The following SSBP4 variants were observed in gnomAD, a reference collection of about 807,000 sequenced individuals.
SSBP4 encodes single-stranded DNA-binding protein 4.
SSBP4 carries 33 observed loss-of-function variants against 64.6 expected under a neutral mutation model. That is an observed-to-expected ratio of 0.51 (90% CI 0.39 to 0.68). The LOEUF is 0.68. SSBP4 is among the 30% of genes least tolerant of loss of function. The probability of loss-of-function intolerance (pLI) is 0.00; values close to 1 mark genes in which losing one functional copy is unlikely to be tolerated. For missense variants in SSBP4, 583 were observed against 566.8 expected (o/e 1.03, Z -0.29); for synonymous variants, 243 against 224.0 (o/e 1.08, Z -0.76).
intron 4 of SSBP4, among the ~76,000 whole-genome samples, chr19:18,430,244 A>G (rs1973241051): frequency 6.8e-6 from 1 of 146,654 alleles, no homozygotes; most frequent in South Asian, 2.2e-4. Context: ...TCCCCCTGCC[A>G]GACCCTGTAG....
rs759899583 is a variant in SSBP4 at position 18,434,268 on chromosome 19, C to T, written c.*22C>T. ...GTGATGGGGCGGCAGCCCCGGGCCT[C>T]TCTGCGGGCCTAGGCTTCTGCCCAG... On this transcript the variant is annotated 3_prime_UTR_variant, in exon 18 of 18. Transcript: ENST00000270061. 3 of 1,610,032 alleles carry T rather than the reference C, an allele frequency of 1.9e-6. No individual in the cohort carries two copies. Among genetic ancestry groups the T allele is most frequent in the Admixed American group, 3.3e-5 (2 of 59,852 alleles).
At chr19:18,408,028 A>G in the SSBP4 span, among the ~76,000 whole-genome samples, 1 of 151,874 alleles carries the variant, frequency 6.6e-6, no homozygotes, top group Non-Finnish European at 1.5e-5. Flanking sequence ...TACAGGCATG[A>G]GCCACCACGC....
chr19:18,431,421 A>G lies in SSBP4; in HGVS notation c.435+3A>G. The G allele has an allele frequency of 6.6e-7, 1 of 1,507,254 alleles. No homozygotes were observed. The highest frequency in any genetic ancestry group is 9.0e-7 in the Non-Finnish European group (1 of 1,114,622). The allele number at this position is 1,507,254 out of a possible 1,614,324, so 93.4% of individuals were successfully genotyped here. Reference sequence around the variant, plus strand: ...CCATGATGGGGCCTCACGGTCAGGTAAGGAGCTGTGGTGCCTGCCCCTCAC... The same window carrying G: ...CCATGATGGGGCCTCACGGTCAGGTGAGGAGCTGTGGTGCCTGCCCCTCAC... On this transcript the variant is annotated splice_donor_region_variant and intron_variant, in intron 6 of 17. Coordinates refer to ENST00000270061, the MANE Select transcript of SSBP4 (RefSeq NM_032627.5).
the SSBP4 span, among the ~76,000 whole-genome samples, chr19:18,413,139 T>A: frequency 8.1e-6 from 1 of 122,804 alleles, no homozygotes; most frequent in Admixed American, 1.0e-4. Flanking sequence ...TGGGGTGTTT[T>A]GGTTTGGGTT....
Position 18,434,406 on chromosome 19 carries a change from A to G in SSBP4, c.*160A>G. 7.6e-7 allele frequency: 1 copy of G among 1,314,738 alleles called. No individual in the cohort carries two copies. Among genetic ancestry groups the G allele is most frequent in the African/African-American group, 1.5e-5 (1 of 65,964 alleles). 81.4% of individuals were successfully genotyped at this position (1,314,738 alleles called of 1,614,324 possible). A position where few individuals can be genotyped will look rare whatever the true frequency, so the allele number is the denominator to read the frequency against. Reference sequence around the variant, plus strand: ...CACGAAAGACTCTTACCATTTTATTAAAAACGCAAGGACCTCAGAGACGTT... The same window carrying G: ...CACGAAAGACTCTTACCATTTTATTGAAAACGCAAGGACCTCAGAGACGTT... On this transcript the variant is annotated 3_prime_UTR_variant, in exon 18 of 18. Transcript: ENST00000270061.
Position 18,430,816 on chromosome 19 carries a change from C to T in SSBP4, c.280-25C>T, listed in dbSNP as rs200693014. 24 of 1,597,138 alleles carry T rather than the reference C, an allele frequency of 1.5e-5. No homozygotes were observed. In the African/African-American group the frequency reaches 3.2e-4, roughly 21 times the overall value. On this transcript the variant is annotated intron_variant, in intron 4 of 17. Coordinates refer to ENST00000270061, the MANE Select transcript of SSBP4 (RefSeq NM_032627.5). ...AGTGTCCAGGTGTCCTGACCTGGCC[C>T]TCTGGGTTTCCCGCACCCTTACAGA...
intron 4 of SSBP4, among the ~76,000 whole-genome samples, chr19:18,428,775 C>G (rs1276953578): frequency 1.3e-5 from 2 of 152,178 alleles, no homozygotes; most frequent in African/African-American, 4.8e-5. Flanking sequence ...GAAGATGCCT[C>G]CAGCACTCTG....
chr19:18,418,992 G>T (rs1972238223), upstream of SSBP4: 2 of 985,508 alleles, frequency 2.0e-6, no homozygotes, highest in Non-Finnish European at 2.4e-6. The surrounding 1 kb of genome is among the most constrained non-coding windows in gnomAD (Gnocchi z 6.7). Context: ...AGCTCTGCGG[G>T]GTGAGACACC....
chr19:18,431,061 GCAGGTGTGCC>G (rs1311305870), intron 5 of SSBP4, 131 bp downstream of exon 5: 24 of 1,121,904 alleles, frequency 2.1e-5, no homozygotes, highest in Non-Finnish European at 3.0e-5. Flanking sequence ...CCTCTGTGCC[GCAGGTGTGCC>G]CAGGTGGGCC....
At chr19:18,411,943 C>T in the SSBP4 span, among the ~76,000 whole-genome samples, 32 of 152,062 alleles carry the variant, frequency 2.1e-4, no homozygotes, top group South Asian at 8.3e-4. Context: ...GCGAGAGGAT[C>T]GCTTGAGGCC....
chr19:18,410,154 C>A, the SSBP4 span, among the ~76,000 whole-genome samples: 2 of 151,996 alleles, frequency 1.3e-5, no homozygotes, highest in African/African-American at 2.4e-5. Flanking sequence ...CCACCACGCC[C>A]GGCTAATTTT....
chr19:18,432,361 G>A lies in SSBP4; in HGVS notation c.704+147G>A, dbSNP rs1424743512. 5 of 1,317,420 alleles carry A rather than the reference G, an allele frequency of 3.8e-6. No homozygotes were observed. In the Admixed American group the frequency reaches 9.4e-5, roughly 25 times the overall value. The allele number at this position is 1,317,420 out of a possible 1,614,324, so 81.6% of individuals were successfully genotyped here. A position where few individuals can be genotyped will look rare whatever the true frequency, so the allele number is the denominator to read the frequency against. Reference sequence around the variant, plus strand: ...CACCGTTGAGGGGAAACTGAGACTTGAAGTAGCAATTAGTCTCCTGGGGCC... The same window carrying A: ...CACCGTTGAGGGGAAACTGAGACTTAAAGTAGCAATTAGTCTCCTGGGGCC... On this transcript the variant is annotated intron_variant, in intron 10 of 17. Transcript: ENST00000270061.
At chr19:18,404,993 C>A in the SSBP4 span, among the ~76,000 whole-genome samples, 16 of 151,082 alleles carry the variant, frequency 1.1e-4, no homozygotes, top group Admixed American at 2.6e-4. Flanking sequence ...AGGCCCCCCC[C>A]CCCGCGAAAG....
At chr19:18,429,700 G>A (rs1600331430) in intron 4 of SSBP4, among the ~76,000 whole-genome samples, 2 of 152,316 alleles carry the variant, frequency 1.3e-5, no homozygotes, top group Middle Eastern at 6.8e-3. Context: ...GGACCTGGAA[G>A]TTTGGAACTG....
upstream of SSBP4, chr19:18,419,298 A>C (rs1049195775): frequency 1.3e-5 from 13 of 1,000,088 alleles, no homozygotes; most frequent in Middle Eastern, 5.0e-4. Flanking sequence ...CGGCGGCGGG[A>C]CCCACCCGCG....
rs1973687704 is a variant in SSBP4 at position 18,433,592 on chromosome 19, C to T, written c.999C>T (p.Gly333=). 6.6e-7 allele frequency: 1 copy of T among 1,526,514 alleles called. No homozygotes were observed. Among genetic ancestry groups the T allele is most frequent in the South Asian group, 1.2e-5 (1 of 82,760 alleles). 94.6% of individuals were successfully genotyped at this position (1,526,514 alleles called of 1,614,324 possible). Residue 333 remains glycine (G), a synonymous_variant, in exon 16 of 18, where the codon GGC becomes GGT. Transcript: ENST00000270061. The part of the protein sequence containing the change: ...PHHVNGSLGS[G]DMDGLPKSSP... ...GTCTGTCCGTGTCTGTAGGCTCGGG[C>T]GACATGGACGGGTTGCCGAAGGTAA...
chr19:18,413,149 T>TG, the SSBP4 span, among the ~76,000 whole-genome samples: 1 of 131,024 alleles, frequency 7.6e-6, no homozygotes, highest in African/African-American at 3.9e-5. Context: ...TGGTTTGGGT[T>TG]TTTTTTTTTT....
chr19:18,425,551 C>G (rs1210148443), intron 1 of SSBP4, among the ~76,000 whole-genome samples: 1 of 152,170 alleles, frequency 6.6e-6, no homozygotes, highest in African/African-American at 2.4e-5. Context: ...TCAGAAGCCT[C>G]TAGATGGGCC....
chr19:18,431,782 C>T lies in SSBP4; in HGVS notation c.496-11C>T, dbSNP rs531538333. 1.5e-5 allele frequency: 23 copies of T among 1,546,192 alleles called. No individual in the cohort carries two copies. The East Asian group carries it at 5.4e-4, about 36-fold the overall frequency. ...CACCCCACACTCAGTGCCGCCGCAC[C>T]CCCTCCGCAGCCTCCCGCAGGCCTC... On this transcript the variant is annotated splice_polypyrimidine_tract_variant and intron_variant, in intron 7 of 17. Transcript: ENST00000270061.
Sources: gnomAD v4.1 joint callset for allele counts (sites outside exome capture counted in the v4.1 genomes callset) on GRCh38, gnomAD v4.1.1 for gene constraint, Gnocchi (gnomAD v3.1) non-coding constraint, MANE v1.5 for transcripts, NCBI Gene and HGNC (gene_info 2026-07-23, HGNC 2026-07-21) for gene names.